Variants in SYT16 observed in about 807,000 individuals in gnomAD.
SYT16 encodes the protein synaptotagmin 16.
Under a neutral mutation model 61.4 loss-of-function variants are expected in SYT16, and 42 were observed. That is an observed-to-expected ratio of 0.68 (90% CI 0.53 to 0.89). The LOEUF (loss-of-function observed/expected upper bound fraction) is 0.89. Ranked by LOEUF, SYT16 falls within the 40% of genes least tolerant of loss-of-function variation. The probability of loss-of-function intolerance (pLI) is 0.00; values close to 1 mark genes in which losing one functional copy is unlikely to be tolerated. For missense variants in SYT16, 804 were observed against 807.3 expected (o/e 1.00, Z 0.05); for synonymous variants, 314 against 302.3 (o/e 1.04, Z -0.40).
At chr14:61,822,386 G>A (rs1281697018) in intron 1 of SYT16, among the ~76,000 whole-genome samples, 2 of 152,208 alleles carry the variant, frequency 1.3e-5, no homozygotes, top group Non-Finnish European at 2.9e-5. Context: ...GGGTTGGTCT[G>A]CTTCTCTTAG....
intron 4 of SYT16, among the ~76,000 whole-genome samples, chr14:62,073,575 A>G (rs1462801617): frequency 6.6e-5 from 10 of 152,234 alleles, no homozygotes; most frequent in Admixed American, 5.2e-4. Flanking sequence ...TCTGAACTGA[A>G]TAATGAAGGA....
intron 3 of SYT16, among the ~76,000 whole-genome samples, chr14:62,044,214 A>AAAC (rs1272931314): frequency 6.6e-6 from 1 of 151,916 alleles, no homozygotes; most frequent in Non-Finnish European, 1.5e-5. Flanking sequence ...AAAAAAAAAA[A>AAAC]TAGGAAACGA....
At chr14:62,096,666 T>C (rs1394619640) in intron 7 of SYT16, among the ~76,000 whole-genome samples, 1 of 152,108 alleles carries the variant, frequency 6.6e-6, no homozygotes, top group Non-Finnish European at 1.5e-5. Context: ...TATTTACATA[T>C]TGAAAGTTTA....
intron 2 of SYT16, among the ~76,000 whole-genome samples, chr14:61,972,935 C>T (rs2051622083): frequency 1.3e-5 from 2 of 152,140 alleles, no homozygotes; most frequent in Non-Finnish European, 2.9e-5. Context: ...TTAGGGTTAC[C>T]ATAGCAACTT....
intron 1 of SYT16, among the ~76,000 whole-genome samples, chr14:61,848,230 G>C (rs1180607094): frequency 6.6e-6 from 1 of 152,104 alleles, no homozygotes; most frequent in Non-Finnish European, 1.5e-5. Context: ...GAAGGGATTT[G>C]GGTGTTGTGA....
chr14:62,081,836 T>C (rs2056718935), intron 6 of SYT16, among the ~76,000 whole-genome samples: 1 of 152,200 alleles, frequency 6.6e-6, no homozygotes, highest in Non-Finnish European at 1.5e-5. Context: ...TTATATGTCA[T>C]GTAGTATGCC....
chr14:62,040,857 G>A (rs1050178789), intron 3 of SYT16, among the ~76,000 whole-genome samples: 1 of 152,112 alleles, frequency 6.6e-6, no homozygotes. Context: ...GGTGTGGTAC[G>A]TTTGTTACAA....
intron 1 of SYT16, among the ~76,000 whole-genome samples, chr14:61,869,398 T>C (rs2047258561): frequency 1.3e-5 from 2 of 152,166 alleles, no homozygotes; most frequent in Admixed American, 6.5e-5. Flanking sequence ...TTAGGTTTTT[T>C]TGGCTTATTA....
intron 1 of SYT16, among the ~76,000 whole-genome samples, chr14:61,892,099 C>G (rs1192330926): frequency 2.0e-5 from 3 of 151,984 alleles, no homozygotes; most frequent in African/African-American, 7.3e-5. Context: ...TCCACTTACT[C>G]CCCTTTCTGC....
chr14:62,018,295 CTTCTTTTT>C (rs2053773439), intron 3 of SYT16, among the ~76,000 whole-genome samples: 1 of 50,470 alleles, frequency 2.0e-5, no homozygotes, highest in Non-Finnish European at 3.6e-5. Flanking sequence ...TCTTCTTCTT[CTTCTTTTT>C]TTTTTTTTTT....
At chr14:61,889,186 G>T (rs2048028341) in intron 1 of SYT16, among the ~76,000 whole-genome samples, 2 of 152,134 alleles carry the variant, frequency 1.3e-5, no homozygotes. Flanking sequence ...ACAAGTGGGG[G>T]TTTATAACCA....
intron 4 of SYT16, among the ~76,000 whole-genome samples, chr14:62,071,784 A>G (rs1295193442): frequency 1.3e-5 from 2 of 152,208 alleles, no homozygotes; most frequent in African/African-American, 4.8e-5. Flanking sequence ...AGTTGTAGAA[A>G]CAGTTCTTCC....
chr14:61,854,409 T>C (rs2046711896), intron 1 of SYT16, among the ~76,000 whole-genome samples: 1 of 152,230 alleles, frequency 6.6e-6, no homozygotes, highest in Non-Finnish European at 1.5e-5. Context: ...CTTTACCTAG[T>C]TTTAATCATA....
chr14:62,086,488 A>AAAT (rs2056890191), intron 7 of SYT16, among the ~76,000 whole-genome samples: 1 of 151,904 alleles, frequency 6.6e-6, no homozygotes, highest in African/African-American at 2.4e-5. Context: ...TCAAAAAAAC[A>AAAT]AACAACAACA....
chr14:62,037,149 T>C (rs1294147506), intron 3 of SYT16, among the ~76,000 whole-genome samples: 1 of 152,076 alleles, frequency 6.6e-6, no homozygotes, highest in African/African-American at 2.4e-5. Context: ...TCAGATGCTC[T>C]GAGAATCTGG....
chr14:61,973,527 T>C (rs1379406370), intron 2 of SYT16, among the ~76,000 whole-genome samples: 1 of 152,164 alleles, frequency 6.6e-6, no homozygotes, highest in African/African-American at 2.4e-5. Context: ...AAAAAGCCAA[T>C]ATTCAGCTTT....
At chr14:62,075,975 T>G (rs1954485) in intron 5 of SYT16, among the ~76,000 whole-genome samples, 1 of 152,098 alleles carries the variant, frequency 6.6e-6, no homozygotes, top group Non-Finnish European at 1.5e-5. Context: ...CTCTGGCCAT[T>G]GACATTGGTT....
intron 3 of SYT16, among the ~76,000 whole-genome samples, chr14:62,058,363 G>C (rs75172391): frequency 8.9e-5 from 4 of 44,848 alleles, no homozygotes; most frequent in African/African-American, 2.0e-4. Flanking sequence ...TTTTTTTTTT[G>C]AGAAGGAGTC....
intron 1 of SYT16, among the ~76,000 whole-genome samples, chr14:61,892,930 C>T (rs141477869): frequency 1.9e-3 from 283 of 152,070 alleles, no homozygotes; most frequent in African/African-American, 6.5e-3. Context: ...CCCTTTGCCA[C>T]GGTCCAGTGC....
Sources: gnomAD v4.1 joint callset for allele counts (sites outside exome capture counted in the v4.1 genomes callset) on GRCh38, gnomAD v4.1.1 for gene constraint, MANE v1.5 for transcripts, NCBI Gene and HGNC (gene_info 2026-07-23, HGNC 2026-07-21) for gene names.